NRG3: variants seen among roughly 807,000 people sequenced by gnomAD.
NRG3 encodes neuregulin 3, also known as pro-neuregulin-3, membrane-bound isoform.
In NRG3, 31 loss-of-function variants were observed where a neutral mutation model predicts 66.9. The observed-to-expected ratio is 0.46, with a 90% CI of 0.35 to 0.63. The LOEUF is 0.63. NRG3 is among the 20% of genes least tolerant of loss of function. NRG3 has a pLI of 0.00. For synonymous variants in NRG3, 393 were observed against 359.4 expected (o/e 1.09, Z -1.06); for missense variants, 910 against 878.9 (o/e 1.04, Z -0.45).
At chr10:82,698,835 C>T (rs994174) in intron 2 of NRG3, among the ~76,000 whole-genome samples, 86,322 of 152,034 alleles carry the variant, frequency 0.57, 27,030 homozygotes, top group Non-Finnish European at 0.68. Flanking sequence ...CTCAGTGCCA[C>T]TCTCCAAATT....
intron 1 of NRG3, among the ~76,000 whole-genome samples, chr10:82,320,491 AAAT>A (rs2081511569): frequency 6.6e-6 from 1 of 152,178 alleles, no homozygotes; most frequent in African/African-American, 2.4e-5. Flanking sequence ...TAGCTGGGTG[AAAT>A]TGACCAAGTC....
intron 1 of NRG3, among the ~76,000 whole-genome samples, chr10:82,020,103 A>G (rs2061992887): frequency 6.6e-6 from 1 of 151,958 alleles, no homozygotes; most frequent in Admixed American, 6.6e-5. Flanking sequence ...AGGCTTTCAA[A>G]GTAAAAAATT....
chr10:82,586,934 TTTTTTCATG>T (rs1433967696), intron 2 of NRG3, among the ~76,000 whole-genome samples: 2 of 152,126 alleles, frequency 1.3e-5, no homozygotes, highest in African/African-American at 2.4e-5. Flanking sequence ...AAAAATCATG[TTTTTTCATG>T]TTTTTCATGT....
intron 1 of NRG3, among the ~76,000 whole-genome samples, chr10:82,173,942 A>G (rs888426243): frequency 6.6e-6 from 1 of 152,012 alleles, no homozygotes. Context: ...TTCGTCCGTT[A>G]TATTTGGTCT....
At chr10:82,920,172 C>T (rs528332547) in intron 4 of NRG3, among the ~76,000 whole-genome samples, 12 of 151,982 alleles carry the variant, frequency 7.9e-5, no homozygotes, top group Non-Finnish European at 1.3e-4. Context: ...AGGAACTGTA[C>T]GTAAGTACTG....
intron 3 of NRG3, among the ~76,000 whole-genome samples, chr10:82,786,283 A>G (rs189540715): frequency 3.3e-5 from 5 of 152,306 alleles, no homozygotes; most frequent in African/African-American, 1.2e-4. Flanking sequence ...CCCTAGGGAC[A>G]GGGCTTCATG....
intron 1 of NRG3, among the ~76,000 whole-genome samples, chr10:82,220,811 T>C (rs2075905227): frequency 6.6e-6 from 1 of 152,076 alleles, no homozygotes; most frequent in Non-Finnish European, 1.5e-5. Flanking sequence ...CTGGACAACA[T>C]AGTGAAATCC....
Position 81,875,245 on chromosome 10 carries a change from C to A in NRG3, c.-96C>A. ...CTGCCTGCGCCCGAGCCCGCCGCCG[C>A]CGCCGGAGCCCGCGCCCGCGCCCGC... On this transcript the variant is annotated 5_prime_UTR_variant, in exon 1 of 9. Transcript: ENST00000372141. The surrounding 1 kb of genome is among the most constrained non-coding windows in gnomAD (Gnocchi z 5.3). 1 of 780,070 alleles carries A rather than the reference C, an allele frequency of 1.3e-6. No homozygotes were observed. Among genetic ancestry groups the A allele is most frequent in the South Asian group, 5.5e-5 (1 of 18,236 alleles). The allele number at this position is 780,070 out of a possible 1,614,324, so 48.3% of individuals were successfully genotyped here. A position where few individuals can be genotyped will look rare whatever the true frequency, so the allele number is the denominator to read the frequency against.
intron 2 of NRG3, among the ~76,000 whole-genome samples, chr10:82,363,264 T>G (rs2084303674): frequency 6.6e-6 from 1 of 152,064 alleles, no homozygotes; most frequent in South Asian, 2.1e-4. Context: ...CACAGAGAAA[T>G]GCAAATTAGG....
intron 2 of NRG3, among the ~76,000 whole-genome samples, chr10:82,698,019 T>G (rs188149997): frequency 1.3e-5 from 2 of 152,278 alleles, no homozygotes; most frequent in Admixed American, 1.3e-4. Flanking sequence ...GCTAAATTTA[T>G]CAAGGCAACC....
intron 4 of NRG3, among the ~76,000 whole-genome samples, chr10:82,908,664 A>C (rs1025678245): frequency 6.6e-6 from 1 of 152,214 alleles, no homozygotes; most frequent in Non-Finnish European, 1.5e-5. Context: ...GAAGAGAAAA[A>C]AGACTGAGGG....
intron 4 of NRG3, among the ~76,000 whole-genome samples, chr10:82,878,324 T>C (rs1842013032): frequency 6.6e-6 from 1 of 152,184 alleles, no homozygotes; most frequent in African/African-American, 2.4e-5. Flanking sequence ...GAAAACCTTC[T>C]GAGGTTTCAA....
intron 2 of NRG3, among the ~76,000 whole-genome samples, chr10:82,554,651 C>T (rs1322216375): frequency 6.6e-6 from 1 of 152,028 alleles, no homozygotes; most frequent in African/African-American, 2.4e-5. Flanking sequence ...GTGAGGACCC[C>T]TAAGGGAGCT....
chr10:82,721,511 C>T (rs1166796173), intron 2 of NRG3, among the ~76,000 whole-genome samples: 1 of 152,082 alleles, frequency 6.6e-6, no homozygotes. Flanking sequence ...CAACCTCCAC[C>T]TCCCGGGTTC....
rs1360437682 is a variant in NRG3, at chr10:82,022,891, TATA to T, written c.823+146729_823+146731del. ...ATACATATATCTATTTAACTATACA[TATA>T]TTTAACTAATCAATTTTGATTTATT... is the stretch of plus-strand genomic sequence containing the variant. On this transcript the variant is annotated intron_variant, in intron 1 of 8. Transcript: ENST00000372141. Among the ~76,000 whole-genome samples the T allele has an allele frequency of 2.0e-5, 3 of 151,196 alleles. No homozygotes were observed. In the Admixed American group the frequency reaches 2.0e-4, roughly 10 times the overall value.
At chr10:82,926,727 T>A (rs1847037133) in intron 4 of NRG3, among the ~76,000 whole-genome samples, 1 of 152,210 alleles carries the variant, frequency 6.6e-6, no homozygotes, top group Non-Finnish European at 1.5e-5. Context: ...AATAAGTAAT[T>A]AAAATTAACA....
intron 1 of NRG3, among the ~76,000 whole-genome samples, chr10:81,922,059 T>A (rs1028287694): frequency 6.6e-6 from 1 of 152,146 alleles, no homozygotes; most frequent in Non-Finnish European, 1.5e-5. Flanking sequence ...ATGCCCCAGG[T>A]ATTATACTAT....
At chr10:82,817,886 G>A (rs533798676) in intron 3 of NRG3, among the ~76,000 whole-genome samples, 5 of 152,246 alleles carry the variant, frequency 3.3e-5, no homozygotes, top group Non-Finnish European at 7.3e-5. Flanking sequence ...AGACAGAGCT[G>A]TGTTACTAGG....
At chr10:82,230,692 TA>T (rs1038646673) in intron 1 of NRG3, among the ~76,000 whole-genome samples, 1 of 152,148 alleles carries the variant, frequency 6.6e-6, no homozygotes, top group South Asian at 2.1e-4. Context: ...CATTGATAAG[TA>T]AAAATATTTC....
Sources: gnomAD v4.1 joint callset for allele counts (sites outside exome capture counted in the v4.1 genomes callset) on GRCh38, gnomAD v4.1.1 for gene constraint, Gnocchi (gnomAD v3.1) non-coding constraint, MANE v1.5 for transcripts, NCBI Gene and HGNC (gene_info 2026-07-23, HGNC 2026-07-21) for gene names.